Variants in OPCML observed in about 807,000 individuals in gnomAD.
OPCML encodes opioid-binding protein/cell adhesion molecule.
In OPCML, 13 loss-of-function variants were observed where a neutral mutation model predicts 37.8. The observed-to-expected ratio is 0.34, with a 90% CI of 0.22 to 0.55. The LOEUF is 0.55. OPCML is among the 20% of genes least tolerant of loss of function. The probability of loss-of-function intolerance (pLI) is 0.91; values close to 1 mark genes in which losing one functional copy is unlikely to be tolerated. For missense variants in OPCML, 341 were observed against 435.6 expected (o/e 0.78, Z 1.93); for synonymous variants, 176 against 168.8 (o/e 1.04, Z -0.33).
intron 2 of OPCML, among the ~76,000 whole-genome samples, chr11:132,760,655 C>T (rs115883926): frequency 0.024 from 3,538 of 146,834 alleles, 59 homozygotes; most frequent in African/African-American, 0.049. Context: ...ATTTTCTTGG[C>T]GATATTCCTC....
chr11:133,361,484 G>T (rs1416677228), intron 1 of OPCML: 1 of 153,778 alleles, frequency 6.5e-6, no homozygotes, highest in Non-Finnish European at 1.4e-5. Flanking sequence ...CCTATGCTGT[G>T]GGAGGAAGAG....
At chr11:132,429,860 G>A (rs1385942169) in intron 7 of OPCML, among the ~76,000 whole-genome samples, 1 of 152,164 alleles carries the variant, frequency 6.6e-6, no homozygotes, top group Non-Finnish European at 1.5e-5. Context: ...GTGCCTGAAG[G>A]TACAGAAGAG....
chr11:133,240,275 A>G (rs1328245334), intron 1 of OPCML, among the ~76,000 whole-genome samples: 2 of 150,922 alleles, frequency 1.3e-5, no homozygotes, highest in East Asian at 3.9e-4. Context: ...CATCTGTCTC[A>G]TGTTAAGGAT....
intron 1 of OPCML, among the ~76,000 whole-genome samples, chr11:133,369,081 G>A (rs907553263): frequency 1.3e-5 from 2 of 152,204 alleles, no homozygotes; most frequent in African/African-American, 4.8e-5. Flanking sequence ...ACCAGATTTG[G>A]TGCAACCAAG....
chr11:132,513,827 C>A lies in OPCML; in HGVS notation c.505+15234G>T, dbSNP rs1047002641. 1.0e-3 allele frequency among the ~76,000 whole-genome samples: 156 copies of A among 152,306 alleles called. 1 individual carries two copies. The highest frequency in any genetic ancestry group is 1.5e-4 in the Non-Finnish European group (10 of 68,034). ...GATGAATATATCACTAATGCACCCA[C>A]TTTTATTGTACTATAATTAAATGCT... On this transcript the variant is annotated intron_variant, in intron 4 of 7. Coordinates refer to ENST00000524381, the MANE Select transcript of OPCML (RefSeq NM_001012393.5).
intron 1 of OPCML, among the ~76,000 whole-genome samples, chr11:133,408,117 T>C (rs2136858590): frequency 6.6e-6 from 1 of 151,758 alleles, no homozygotes; most frequent in South Asian, 2.1e-4. Flanking sequence ...ATGATATAAA[T>C]AAGAGGTAAA....
chr11:133,011,598 C>CTT lies in OPCML; in HGVS notation c.62-68590_62-68589dup, dbSNP rs200276828. Among the ~76,000 whole-genome samples, 156 of 147,700 alleles carry CTT rather than the reference C, an allele frequency of 1.1e-3. 1 individual carries two copies. The highest frequency in any genetic ancestry group is 4.5e-3 in the South Asian group (21 of 4,676). ...AAAAACTGAATGAACAGTGGTTTCTCTTTTTTTTTTTTCCAGGTATATTGT... is the reference window on the plus strand; with the variant it reads ...AAAAACTGAATGAACAGTGGTTTCTCTTTTTTTTTTTTTTCCAGGTATATTGT... On this transcript the variant is annotated intron_variant, in intron 1 of 7. Transcript: ENST00000524381.
At chr11:132,897,978 C>T (rs540174659) in intron 2 of OPCML, among the ~76,000 whole-genome samples, 12 of 152,276 alleles carry the variant, frequency 7.9e-5, no homozygotes, top group African/African-American at 2.2e-4. Flanking sequence ...GGTAGGATGA[C>T]CCATTCTGTG....
At chr11:132,811,644 C>T (rs1055519687) in intron 2 of OPCML, among the ~76,000 whole-genome samples, 3 of 152,076 alleles carry the variant, frequency 2.0e-5, no homozygotes, top group Non-Finnish European at 4.4e-5. Flanking sequence ...GATCCTATGC[C>T]GCTAATTAGA....
intron 1 of OPCML, among the ~76,000 whole-genome samples, chr11:133,410,334 TC>T (rs1313003551): frequency 1.3e-5 from 2 of 152,060 alleles, no homozygotes; most frequent in Admixed American, 6.6e-5. Context: ...ACCCTAATAC[TC>T]CCATCTCCAT....
intron 1 of OPCML, among the ~76,000 whole-genome samples, chr11:133,470,284 C>T (rs1947074431): frequency 6.6e-6 from 1 of 152,210 alleles, no homozygotes; most frequent in South Asian, 2.1e-4. Context: ...ACACTCTTCA[C>T]AGTTTTTGAC....
intron 2 of OPCML, among the ~76,000 whole-genome samples, chr11:132,774,102 T>A (rs929974094): frequency 6.6e-6 from 1 of 152,228 alleles, no homozygotes; most frequent in African/African-American, 2.4e-5. Context: ...TGTCAAATTT[T>A]ACCTATAGTC....
chr11:132,454,674 A>C (rs1370454070), intron 4 of OPCML, among the ~76,000 whole-genome samples: 1 of 152,180 alleles, frequency 6.6e-6, no homozygotes, highest in African/African-American at 2.4e-5. Context: ...TAACCTATTA[A>C]ATTTTGCCCA....
intron 2 of OPCML, among the ~76,000 whole-genome samples, chr11:132,797,066 A>T (rs1177169224): frequency 6.6e-6 from 1 of 151,992 alleles, no homozygotes; most frequent in Non-Finnish European, 1.5e-5. Context: ...TTTTATTTTC[A>T]CCTTTTTAAT....
At chr11:133,220,703 C>T (rs1369348523) in intron 1 of OPCML, among the ~76,000 whole-genome samples, 1 of 152,118 alleles carries the variant, frequency 6.6e-6, no homozygotes, top group Non-Finnish European at 1.5e-5. Flanking sequence ...ACTAAATGCT[C>T]CCCCAAAAGT....
intron 1 of OPCML, among the ~76,000 whole-genome samples, chr11:133,110,597 G>C (rs1370714788): frequency 1.3e-5 from 2 of 152,068 alleles, no homozygotes; most frequent in African/African-American, 4.8e-5. Context: ...CTCCAGCTCA[G>C]GTGGGGATGT....
At chr11:132,621,940 C>T (rs902939573) in intron 3 of OPCML, among the ~76,000 whole-genome samples, 1 of 152,086 alleles carries the variant, frequency 6.6e-6, no homozygotes, top group Admixed American at 6.5e-5. Flanking sequence ...AATTTGTAGA[C>T]ACTACAAGAA....
At chr11:133,428,100 T>TA (rs1210183167) in intron 1 of OPCML, among the ~76,000 whole-genome samples, 2 of 152,202 alleles carry the variant, frequency 1.3e-5, no homozygotes, top group Non-Finnish European at 2.9e-5. Flanking sequence ...AGTATGTCTT[T>TA]AAAAAACCAC....
At chr11:133,187,819 A>ACT (rs1938153690) in intron 1 of OPCML, among the ~76,000 whole-genome samples, 1 of 152,230 alleles carries the variant, frequency 6.6e-6, no homozygotes, top group African/African-American at 2.4e-5. Context: ...ATTCCCATGA[A>ACT]GTACAGTGTA....
Sources: gnomAD v4.1 joint callset for allele counts (sites outside exome capture counted in the v4.1 genomes callset) on GRCh38, gnomAD v4.1.1 for gene constraint, MANE v1.5 for transcripts, NCBI Gene and HGNC (gene_info 2026-07-23, HGNC 2026-07-21) for gene names.